Variants in MRPL30 observed in about 807,000 individuals in gnomAD.
MRPL30 encodes large ribosomal subunit protein uL30m.
In MRPL30, 10 loss-of-function variants were observed where a neutral mutation model predicts 17.2. The ratio of observed to expected loss-of-function variants is 0.58; its 90% CI spans 0.36 to 0.99. The LOEUF is 0.99. Among genes scored for constraint, MRPL30 ranks in the 50% least tolerant of loss-of-function variants. The pLI is 0.01. For missense variants in MRPL30, 170 were observed against 189.8 expected (o/e 0.90, Z 0.61); for synonymous variants, 61 against 62.1 (o/e 0.98, Z 0.08).
chr2:99,191,429 C>T (rs565155409), intron 3 of MRPL30, among the ~76,000 whole-genome samples: 69 of 152,254 alleles, frequency 4.5e-4, no homozygotes, highest in African/African-American at 1.6e-3. Context: ...TCTTACTTTC[C>T]CTCCAAACAA....
chr2:99,188,170 A>G lies in MRPL30; in HGVS notation c.52-7A>G, dbSNP rs769700913. 1 of 1,575,816 alleles carries G rather than the reference A, an allele frequency of 6.3e-7. No individual in the cohort carries two copies. The highest frequency in any genetic ancestry group is 2.2e-5 in the East Asian group (1 of 44,592). On this transcript the variant is annotated splice_polypyrimidine_tract_variant and splice_region_variant and intron_variant, in intron 2 of 5. Coordinates refer to ENST00000338148, the MANE Select transcript of MRPL30 (RefSeq NM_145212.4). ...CTAAAAAACAAATGATTTATATCAT[A>G]TTTTAGACTGTGACAAAAGGTGTGG... is the stretch of plus-strand genomic sequence containing the variant.
At chr2:99,181,891 T>C (rs1212182845) in intron 1 of MRPL30, among the ~76,000 whole-genome samples, 1 of 152,192 alleles carries the variant, frequency 6.6e-6, no homozygotes, top group Non-Finnish European at 1.5e-5. Context: ...TTCCATGTTT[T>C]GCATTTCAGA....
rs1033866903 is a variant in MRPL30 at position 99,198,165 on chromosome 2, G to T, written c.*2460G>T. Among the ~76,000 whole-genome samples the T allele has an allele frequency of 2.0e-5, 3 of 152,192 alleles. No individual in the cohort carries two copies. Among genetic ancestry groups the T allele is most frequent in the African/African-American group, 7.2e-5 (3 of 41,440 alleles). ...AGGCCAGCAGCATTAGCTTTCTATT[G>T]CTGCAGAACAAATTACCACAAACTT... On this transcript the variant is annotated 3_prime_UTR_variant, in exon 6 of 6. Coordinates refer to ENST00000338148, the MANE Select transcript of MRPL30 (RefSeq NM_145212.4).
chr2:99,194,768 T>C lies in MRPL30; in HGVS notation c.150T>C (p.Pro50=). 6.3e-7 allele frequency: 1 copy of C among 1,587,430 alleles called. No individual in the cohort carries two copies. The highest frequency in any genetic ancestry group is 8.5e-7 in the Non-Finnish European group (1 of 1,172,926). The change falls in exon 4 of 6, where the codon CCT becomes CCC. Residue 50 remains proline, a synonymous_variant. Coordinates refer to ENST00000338148, the MANE Select transcript of MRPL30 (RefSeq NM_145212.4). ...CTTTCTAGGTGTTTCAGGCCTCACC[T>C]GAAGATCATGAAAAATACGGTGGGG... ...RIPEKVFQAS[P]EDHEKYGGDP...
At chr2:99,182,686 T>C (rs2093926887) in intron 1 of MRPL30, among the ~76,000 whole-genome samples, 1 of 152,256 alleles carries the variant, frequency 6.6e-6, no homozygotes, top group Admixed American at 6.5e-5. Flanking sequence ...CGAGACTCTG[T>C]CTCTAAAAAC....
chr2:99,194,134 A>G (rs1294977925), intron 3 of MRPL30, among the ~76,000 whole-genome samples: 1 of 152,100 alleles, frequency 6.6e-6, no homozygotes, highest in Admixed American at 6.6e-5. Context: ...TGTAGTTATC[A>G]TGGTGAGGAA....
intron 3 of MRPL30, among the ~76,000 whole-genome samples, chr2:99,193,123 A>C (rs1355581480): frequency 2.0e-5 from 3 of 152,236 alleles, no homozygotes; most frequent in South Asian, 2.1e-4. Flanking sequence ...ACTTAAATTT[A>C]CAAGAAAAAA....
At chr2:99,188,457 T>A (rs2093938061) in intron 3 of MRPL30, among the ~76,000 whole-genome samples, 200 bp downstream of exon 3, 2 of 152,216 alleles carry the variant, frequency 1.3e-5, no homozygotes, top group Admixed American at 1.3e-4. Flanking sequence ...GTCACTGGCC[T>A]TCACAGTAAT....
intron 1 of MRPL30, among the ~76,000 whole-genome samples, chr2:99,183,777 T>C (rs2093929716): frequency 6.6e-6 from 1 of 152,200 alleles, no homozygotes; most frequent in Non-Finnish European, 1.5e-5. Flanking sequence ...TATTGATACG[T>C]TATTAAAGTC....
intron 1 of MRPL30, among the ~76,000 whole-genome samples, chr2:99,183,429 C>T (rs2093929026): frequency 6.6e-6 from 1 of 151,998 alleles, no homozygotes; most frequent in African/African-American, 2.4e-5. Flanking sequence ...ATTAGCTGGA[C>T]GTGGTGGCAG....
intron 3 of MRPL30, among the ~76,000 whole-genome samples, chr2:99,194,472 A>T (rs2093951901): frequency 6.6e-6 from 1 of 152,190 alleles, no homozygotes; most frequent in Admixed American, 6.6e-5. Context: ...AAGAGGATGC[A>T]GCCCAGTGCC....
chr2:99,186,105 T>C, intron 1 of MRPL30, 72 bp from the exon 2 acceptor site: 1 of 994,144 alleles, frequency 1.0e-6, no homozygotes, highest in South Asian at 1.5e-5. Context: ...AGTTTTTTAA[T>C]ACTAGAGAAG....
chr2:99,185,987 A>G (rs777567633), intron 1 of MRPL30, among the ~76,000 whole-genome samples, 190 bp from the exon 2 acceptor site: 5 of 152,272 alleles, frequency 3.3e-5, no homozygotes, highest in Non-Finnish European at 5.9e-5. Context: ...GCTAATGTGT[A>G]TAATTACTAC....
At chr2:99,183,430 G>A (rs2093929032) in intron 1 of MRPL30, among the ~76,000 whole-genome samples, 1 of 152,096 alleles carries the variant, frequency 6.6e-6, no homozygotes, top group Admixed American at 6.5e-5. Flanking sequence ...TTAGCTGGAC[G>A]TGGTGGCAGG....
chr2:99,188,366 G>A lies in MRPL30; in HGVS notation c.132+109G>A, dbSNP rs1445948706. The A allele has an allele frequency of 5.2e-6, 4 of 768,422 alleles. No individual in the cohort carries two copies. In the East Asian group the frequency reaches 8.1e-5, roughly 16 times the overall value. The allele number at this position is 768,422 out of a possible 1,614,324, so 47.6% of individuals were successfully genotyped here. ...ATTTTATGTTAAATTATATGTGGAT[G>A]TAGGTGATGGTACAGAGTTTAAAGC... On this transcript the variant is annotated intron_variant, in intron 3 of 5. Transcript: ENST00000338148.
intron 1 of MRPL30, chr2:99,185,848 T>C: frequency 2.4e-6 from 1 of 416,732 alleles, no homozygotes. Context: ...CCCTTCTAGC[T>C]CTTTAATTTT....
chr2:99,186,459 A>G (rs2093934243), intron 2 of MRPL30, among the ~76,000 whole-genome samples: 1 of 152,132 alleles, frequency 6.6e-6, no homozygotes, highest in Non-Finnish European at 1.5e-5. Flanking sequence ...CAGCCTCCTG[A>G]GTAGCTGGGA....
chr2:99,185,293 T>C (rs1441830795), intron 1 of MRPL30, among the ~76,000 whole-genome samples: 2 of 152,106 alleles, frequency 1.3e-5, no homozygotes, highest in African/African-American at 4.8e-5. Context: ...GTTTTAAGAG[T>C]ATTCTTATTA....
At position 99,196,958 on chromosome 2, in the gene MRPL30, T is replaced by G. The variant is rs1474678094; in HGVS notation, c.*1253T>G. On this transcript the variant is annotated 3_prime_UTR_variant, in exon 6 of 6. Coordinates refer to ENST00000338148, the MANE Select transcript of MRPL30 (RefSeq NM_145212.4). ...AAACCTATTTGTCTCTATGTAAATT[T>G]TTTCCTCATGGAACAAGGGTGTGAA... 6.6e-6 allele frequency: 1 copy of G among 152,218 alleles called. No individual in the cohort carries two copies. The highest frequency in any genetic ancestry group is 1.9e-4 in the East Asian group (1 of 5,200). 9.4% of individuals were successfully genotyped at this position (152,218 alleles called of 1,614,324 possible).
Sources: gnomAD v4.1 joint callset for allele counts (sites outside exome capture counted in the v4.1 genomes callset) on GRCh38, gnomAD v4.1.1 for gene constraint, MANE v1.5 for transcripts, NCBI Gene and HGNC (gene_info 2026-07-23, HGNC 2026-07-21) for gene names.